Variants in KLHL6 observed in about 807,000 individuals in gnomAD.
KLHL6 encodes the protein kelch-like protein 6.
Under a neutral mutation model 58.6 loss-of-function variants are expected in KLHL6, and 41 were observed. That is an observed-to-expected ratio of 0.70 (90% CI 0.55 to 0.91). KLHL6 has a LOEUF of 0.91. KLHL6 is among the 40% of genes least tolerant of loss of function. The pLI is 0.00. For synonymous variants in KLHL6, 338 were observed against 322.7 expected, an observed-to-expected ratio of 1.05 and a Z score of -0.51; for missense variants, 714 against 805.6, an observed-to-expected ratio of 0.89 and a Z score of 1.38.
chr3:183,500,104 G>C (rs531372196), intron 3 of KLHL6, among the ~76,000 whole-genome samples: 25 of 152,296 alleles, frequency 1.6e-4, no homozygotes, highest in Non-Finnish European at 1.0e-4. Context: ...GCCTGTTTTT[G>C]CTGCTGTTTT....
chr3:183,491,769 AACTGTG>A lies in KLHL6; in HGVS notation c.*152_*157del. 1.8e-6 allele frequency: 1 copy of A among 567,660 alleles called. No individual in the cohort carries two copies. The highest frequency in any genetic ancestry group is 2.8e-6 in the Non-Finnish European group (1 of 354,990). The allele number at this position is 567,660 out of a possible 1,614,324, so 35.2% of individuals were successfully genotyped here. On this transcript the variant is annotated 3_prime_UTR_variant, in exon 7 of 7. Transcript: ENST00000341319. Reference sequence around the variant, plus strand: ...TCCTGGCCGGTCTCAAGTGACCCCAAACTGTGACTTCCAAGGTTCCCCCAAAGTGAG... The same window carrying A: ...TCCTGGCCGGTCTCAAGTGACCCCAAACTTCCAAGGTTCCCCCAAAGTGAG...
chr3:183,519,914 A>C (rs1406576030), intron 2 of KLHL6, among the ~76,000 whole-genome samples: 1 of 150,810 alleles, frequency 6.6e-6, no homozygotes, highest in South Asian at 2.1e-4. Flanking sequence ...AAAAAAAAAA[A>C]AAACAAGAAA....
chr3:183,523,448 C>T (rs1711839513), intron 2 of KLHL6, among the ~76,000 whole-genome samples: 1 of 152,222 alleles, frequency 6.6e-6, no homozygotes. Context: ...TCTTCTCAGG[C>T]CCAGGCCAGA....
chr3:183,536,208 G>C (rs1041386175), intron 1 of KLHL6, among the ~76,000 whole-genome samples: 3 of 152,266 alleles, frequency 2.0e-5, no homozygotes, highest in African/African-American at 7.2e-5. Context: ...GGCAAGACAA[G>C]GGGGGGAGGA....
chr3:183,522,486 T>G (rs1032302188), intron 2 of KLHL6: 3 of 152,224 alleles, frequency 2.0e-5, no homozygotes, highest in Non-Finnish European at 4.4e-5. Context: ...GTCAACAGGC[T>G]GATTTTATGT....
At chr3:183,494,370 G>C in intron 4 of KLHL6, 89 bp from the exon 5 acceptor site, 1 of 1,131,404 alleles carries the variant, frequency 8.8e-7, no homozygotes, top group East Asian at 2.4e-5. Context: ...AAAAGTGCCA[G>C]GTCCCCAGGC....
chr3:183,542,544 A>G (rs995570198), intron 1 of KLHL6, among the ~76,000 whole-genome samples: 1 of 151,952 alleles, frequency 6.6e-6, no homozygotes, highest in Non-Finnish European at 1.5e-5. Flanking sequence ...CTCCGTTCAG[A>G]TATCACCTCT....
chr3:183,517,881 TTGTGTGTG>T (rs1711615941), intron 2 of KLHL6, among the ~76,000 whole-genome samples: 1 of 151,922 alleles, frequency 6.6e-6, no homozygotes, highest in South Asian at 2.1e-4. Flanking sequence ...AGGGTGTGGT[TTGTGTGTG>T]TGTGCGTAGG....
chr3:183,526,029 C>T (rs933798277), intron 2 of KLHL6, among the ~76,000 whole-genome samples: 7 of 152,256 alleles, frequency 4.6e-5, no homozygotes, highest in South Asian at 2.1e-4. Context: ...AATTTTTTGC[C>T]GGGTGCGGTG....
At chr3:183,553,803 T>C (rs1713013975) in intron 1 of KLHL6, among the ~76,000 whole-genome samples, 1 of 152,160 alleles carries the variant, frequency 6.6e-6, no homozygotes, top group Admixed American at 6.5e-5. Context: ...ACCTTCATCA[T>C]GCTGTTACAA....
At chr3:183,524,615 T>G (rs1240601093) in intron 2 of KLHL6, among the ~76,000 whole-genome samples, 1 of 152,176 alleles carries the variant, frequency 6.6e-6, no homozygotes, top group East Asian at 1.9e-4. Context: ...TAGGAAAAGC[T>G]CTTCCCAAAC....
At chr3:183,536,516 G>C (rs1712371919) in intron 1 of KLHL6, among the ~76,000 whole-genome samples, 1 of 152,236 alleles carries the variant, frequency 6.6e-6, no homozygotes, top group Non-Finnish European at 1.5e-5. Context: ...CTGGTGTCTA[G>C]TCTGACCTCT....
rs2108661220 is a variant in KLHL6 at position 183,491,079 on chromosome 3, A to G, written c.*848T>C. 1.3e-5 allele frequency: 2 copies of G among 151,632 alleles called. No individual in the cohort carries two copies. Among genetic ancestry groups the G allele is most frequent in the South Asian group, 2.1e-4 (1 of 4,824 alleles). The allele number at this position is 151,632 out of a possible 1,614,324, so 9.4% of individuals were successfully genotyped here. A position where few individuals can be genotyped will look rare whatever the true frequency, so the allele number is the denominator to read the frequency against. ...TTTTAGCAGACTTGCCGAAACAAGA[A>G]ATGAGCCAGGTTTCTTTGTTTTTGT... is the stretch of plus-strand genomic sequence containing the variant. On this transcript the variant is annotated 3_prime_UTR_variant, in exon 7 of 7. Coordinates refer to ENST00000341319, the MANE Select transcript of KLHL6 (RefSeq NM_130446.4).
intron 1 of KLHL6, chr3:183,544,482 C>T (rs1712653875): frequency 6.6e-6 from 1 of 152,092 alleles, no homozygotes. Context: ...TCTCTGAAAC[C>T]AAGGCTCAGG....
chr3:183,494,554 C>T (rs1717664104), intron 4 of KLHL6, among the ~76,000 whole-genome samples: 1 of 152,168 alleles, frequency 6.6e-6, no homozygotes, highest in South Asian at 2.1e-4. Flanking sequence ...GTGAGCAGTG[C>T]CCTGAGAAGG....
chr3:183,520,901 C>T (rs1313313905), intron 2 of KLHL6: 1 of 151,934 alleles, frequency 6.6e-6, no homozygotes, highest in African/African-American at 2.4e-5. Context: ...TTCATTAATC[C>T]TCCTCAGCAC....
intron 1 of KLHL6, among the ~76,000 whole-genome samples, chr3:183,538,009 C>A (rs906106471): frequency 3.9e-5 from 6 of 152,044 alleles, no homozygotes; most frequent in African/African-American, 1.4e-4. Context: ...ATGAATCAAC[C>A]AACTTGTCCT....
At chr3:183,528,961 GC>G (rs1305972761) in intron 1 of KLHL6, among the ~76,000 whole-genome samples, 1 of 152,134 alleles carries the variant, frequency 6.6e-6, no homozygotes, top group African/African-American at 2.4e-5. Flanking sequence ...GGAATACTAC[GC>G]AGCCATAAAA....
At position 183,523,418 on chromosome 3, in the gene KLHL6, T is replaced by G. The variant is rs553696279; in HGVS notation, c.459+4427A>C. ...ACCATGTCACTGCCCCAGAGGGTTC[T>G]GTGGGAGCCCCTCCTGGGCTCTTCT... On this transcript the variant is annotated intron_variant, in intron 2 of 6. Transcript: ENST00000341319. Among the ~76,000 whole-genome samples the G allele has an allele frequency of 2.7e-3, 413 of 152,376 alleles. 2 individuals carry two copies. Among genetic ancestry groups the G allele is most frequent in the Non-Finnish European group, 4.8e-3 (326 of 68,034 alleles).
Sources: gnomAD v4.1 joint callset for allele counts (sites outside exome capture counted in the v4.1 genomes callset) on GRCh38, gnomAD v4.1.1 for gene constraint, MANE v1.5 for transcripts, NCBI Gene and HGNC (gene_info 2026-07-23, HGNC 2026-07-21) for gene names.